The following ADNP variants were observed in gnomAD, a reference collection of about 807,000 sequenced individuals.
ADNP encodes the protein activity-dependent neuroprotector homeobox protein.
A neutral mutation model predicts 84.9 loss-of-function variants in ADNP; 4 were observed. That is an observed-to-expected ratio of 0.05 (90% CI 0.02 to 0.11). The LOEUF is 0.11. Ranked by LOEUF, ADNP falls within the 10% of genes least tolerant of loss-of-function variation. ADNP has a pLI of 1.00. For synonymous variants in ADNP, 554 were observed against 468.1 expected, an observed-to-expected ratio of 1.18 and a Z score of -2.37; for missense variants, 1,132 against 1,326.0, an observed-to-expected ratio of 0.85 and a Z score of 2.27.
intron 2 of ADNP, among the ~76,000 whole-genome samples, chr20:50,919,703 C>T (rs1277612643): frequency 6.6e-6 from 1 of 152,186 alleles, no homozygotes; most frequent in Non-Finnish European, 1.5e-5. Flanking sequence ...GGGCCATTAA[C>T]TTAGGTGAAG....
Position 50,890,064 on chromosome 20 carries a change from T to C in ADNP, c.*1341A>G. The C allele has an allele frequency of 3.9e-6, 1 of 259,000 alleles. No individual in the cohort carries two copies. Among genetic ancestry groups the C allele is most frequent in the Non-Finnish European group, 7.0e-6 (1 of 142,612 alleles). 16.0% of individuals were successfully genotyped at this position (259,000 alleles called of 1,614,324 possible). A position where few individuals can be genotyped will look rare whatever the true frequency, so the allele number is the denominator to read the frequency against. Reference sequence around the variant, plus strand: ...TTTTTTTATCATTGAGACATTTACATATATATGCAGGCTCTGCTCCTTAAC... The same window carrying C: ...TTTTTTTATCATTGAGACATTTACACATATATGCAGGCTCTGCTCCTTAAC... On this transcript the variant is annotated 3_prime_UTR_variant, in exon 6 of 6. Coordinates refer to ENST00000621696, the MANE Select transcript of ADNP (RefSeq NM_001282531.3).
rs1199915624 is a variant in ADNP at position 50,892,287 on chromosome 20, C to T, written c.2427G>A (p.Lys809=). The change falls in exon 6 of 6, where the codon AAG becomes AAA. Residue 809 remains lysine (K), a synonymous_variant. Coordinates refer to ENST00000621696, the MANE Select transcript of ADNP (RefSeq NM_001282531.3). ...ACTTTTCACAATCACGGACACACTT[C>T]TTCCTTTTGTTACTAAAATGGGAAG... ...DIASHFSNKR[K]KCVRDCEKYK... is the part of the protein sequence containing the mutation. The T allele has an allele frequency of 5.0e-6, 8 of 1,614,116 alleles. No homozygotes were observed. Among genetic ancestry groups the T allele is most frequent in the East Asian group, 2.2e-5 (1 of 44,890 alleles).
At chr20:50,926,376 A>T (rs1984292429) in intron 2 of ADNP, among the ~76,000 whole-genome samples, 1 of 152,212 alleles carries the variant, frequency 6.6e-6, no homozygotes, top group Admixed American at 6.5e-5. Context: ...TATTTACACA[A>T]CAGTCATGGG....
chr20:50,893,785 G>A lies in ADNP; in HGVS notation c.929C>T (p.Pro310Leu). 6.2e-7 allele frequency: 1 copy of A among 1,614,154 alleles called. No individual in the cohort carries two copies. The highest frequency in any genetic ancestry group is 8.5e-7 in the Non-Finnish European group (1 of 1,180,026). ...SQQMVNRLSI[P>L]KPNLNSTGVN... ...TCCTGTAGAATTTAAGTTAGGCTTTGGTATTGAGAGTCGATTCACCATCTG... is the reference window on the plus strand; with the variant it reads ...TCCTGTAGAATTTAAGTTAGGCTTTAGTATTGAGAGTCGATTCACCATCTG... Residue 310 changes from proline to leucine, a missense_variant, in exon 6 of 6, where the codon CCA becomes CTA. Pro to Leu is a moderately conservative substitution (Grantham distance 98, BLOSUM62 -3). Transcript: ENST00000621696. The surrounding 1 kb of genome is among the most constrained non-coding windows in gnomAD (Gnocchi z 4.4).
chr20:50,899,463 G>A (rs967153060), intron 5 of ADNP, among the ~76,000 whole-genome samples: 1 of 152,006 alleles, frequency 6.6e-6, no homozygotes, highest in Admixed American at 6.6e-5. Context: ...CACCTGCCTC[G>A]GCCTCCCAAA....
At position 50,893,862 on chromosome 20, in the gene ADNP, T is replaced by C; in HGVS notation, c.852A>G (p.Pro284=). The C allele has an allele frequency of 6.2e-7, 1 of 1,614,178 alleles. No individual in the cohort carries two copies. Among genetic ancestry groups the C allele is most frequent in the African/African-American group, 1.3e-5 (1 of 75,042 alleles). The change falls in exon 6 of 6, where the codon CCA becomes CCG. Residue 284 remains proline (P), a synonymous_variant. Transcript: ENST00000621696. The surrounding 1 kb of genome is among the most constrained non-coding windows in gnomAD (Gnocchi z 4.4). Reference sequence around the variant, plus strand: ...CAGAAGCAAGGGAACCGATCCTTGGTGGGAGTCCCATGCTCTTCTTGTCTT... The same window carrying C: ...CAGAAGCAAGGGAACCGATCCTTGGCGGGAGTCCCATGCTCTTCTTGTCTT... The part of the protein sequence containing the change: ...KPQDKKSMGL[P]PRIGSLASGN...
chr20:50,904,365 G>A (rs780465544), intron 3 of ADNP: 5 of 175,410 alleles, frequency 2.9e-5, no homozygotes, highest in East Asian at 1.6e-4. Context: ...CCAGGAGTGC[G>A]CCACTATGCC....
rs762845441 is a variant in ADNP at position 50,892,546 on chromosome 20, T to C, written c.2168A>G (p.Glu723Gly). Residue 723 changes from glutamate (E) to glycine (G), a missense_variant, in exon 6 of 6, where the codon GAA (glutamate) becomes GGA (glycine). By Grantham distance (98) the Glu-to-Gly change is moderately conservative. Transcript: ENST00000621696. ...CTTTCGTTTTTTCAGTAAGGGAAATTCCATTTGCTCGTAAGTGCGCTTCAC... is the reference window on the plus strand; with the variant it reads ...CTTTCGTTTTTTCAGTAAGGGAAATCCCATTTGCTCGTAAGTGCGCTTCAC... ...APVKRTYEQMEFPLLKKRKLD... is the reference protein window; with the variant it reads ...APVKRTYEQMGFPLLKKRKLD... The C allele has an allele frequency of 6.2e-6, 10 of 1,614,206 alleles. No individual in the cohort carries two copies. Among genetic ancestry groups the C allele is most frequent in the African/African-American group, 1.3e-5 (1 of 75,054 alleles).
chr20:50,916,342 G>A (rs1983509464), intron 2 of ADNP, among the ~76,000 whole-genome samples: 1 of 152,180 alleles, frequency 6.6e-6, no homozygotes, highest in Non-Finnish European at 1.5e-5. Flanking sequence ...TTCCACACTG[G>A]ACAGCTTCTG....
chr20:50,904,162 T>C (rs1982254046), intron 3 of ADNP, 161 bp from the exon 4 acceptor site: 5 of 605,870 alleles, frequency 8.3e-6, no homozygotes, highest in Non-Finnish European at 1.5e-5. Flanking sequence ...CCTGCTTTCA[T>C]GTGCATATGG....
chr20:50,903,195 T>C (rs1982152501), intron 4 of ADNP, among the ~76,000 whole-genome samples: 1 of 152,116 alleles, frequency 6.6e-6, no homozygotes, highest in African/African-American at 2.4e-5. Flanking sequence ...AACATTTCTT[T>C]TCAATCAGGG....
intron 4 of ADNP, 150 bp from the exon 5 acceptor site, chr20:50,902,259 A>C: frequency 1.7e-6 from 1 of 591,102 alleles, no homozygotes; most frequent in South Asian, 2.1e-5. Flanking sequence ...TAAGGCTCTT[A>C]AATATAAAAA....
In ADNP at chr20:50,891,205, G is replaced by A; in HGVS notation, c.*200C>T. The A allele has an allele frequency of 1.5e-6, 2 of 1,322,678 alleles. No individual in the cohort carries two copies. The highest frequency in any genetic ancestry group is 1.9e-6 in the Non-Finnish European group (2 of 1,041,674). The allele number at this position is 1,322,678 out of a possible 1,614,324, so 81.9% of individuals were successfully genotyped here. A position where few individuals can be genotyped will look rare whatever the true frequency, so the allele number is the denominator to read the frequency against. On this transcript the variant is annotated 3_prime_UTR_variant, in exon 6 of 6. Transcript: ENST00000621696. ...TTGGTTTTTCACATTTAGTTACCGTGTCTGTCAGAGAAGGTTCTGAAGCAA... is the reference window on the plus strand; with the variant it reads ...TTGGTTTTTCACATTTAGTTACCGTATCTGTCAGAGAAGGTTCTGAAGCAA...
chr20:50,903,943 A>C lies in ADNP; in HGVS notation c.54T>G (p.Thr18=). 1 of 1,613,962 alleles carries C rather than the reference A, an allele frequency of 6.2e-7. No individual in the cohort carries two copies. Among genetic ancestry groups the C allele is most frequent in the Non-Finnish European group, 8.5e-7 (1 of 1,179,950 alleles). The part of the protein sequence containing the change: ...NLGSLRKARK[T]VKKILSDIGL... ...CAATGTCACTAAGTATTTTTTTCAC[A>C]GTTTTCCGGGCTTTTCTTAAACTGC... is the stretch of plus-strand genomic sequence containing the variant. The change falls in exon 4 of 6, where the codon ACT becomes ACG. Residue 18 remains threonine (T), a synonymous_variant. Coordinates refer to ENST00000621696, the MANE Select transcript of ADNP (RefSeq NM_001282531.3).
At chr20:50,920,335 C>CTTTGGGAGGCCAA (rs1242194237) in intron 2 of ADNP, among the ~76,000 whole-genome samples, 5 of 149,312 alleles carry the variant, frequency 3.3e-5, no homozygotes, top group Non-Finnish European at 7.4e-5. Flanking sequence ...AATCCCAGCA[C>CTTTGGGAGGCCAA]TTTGGGAGGC....
chr20:50,922,382 A>C lies in ADNP; in HGVS notation c.-90+6269T>G, dbSNP rs1984010437. On this transcript the variant is annotated intron_variant, in intron 2 of 5. Transcript: ENST00000621696. ...CTGACACTTCAAGCTGGGGTTCCCAAGACCCCCTCCTTGAGTTCTATTAAT... is the reference window on the plus strand; with the variant it reads ...CTGACACTTCAAGCTGGGGTTCCCACGACCCCCTCCTTGAGTTCTATTAAT... 3.9e-5 allele frequency among the ~76,000 whole-genome samples: 6 copies of C among 152,152 alleles called. No individual in the cohort carries two copies. In the South Asian group the frequency reaches 1.2e-3, roughly 31 times the overall value.
intron 2 of ADNP, among the ~76,000 whole-genome samples, chr20:50,921,010 G>A (rs1983924935): frequency 7.0e-6 from 1 of 142,772 alleles, no homozygotes; most frequent in African/African-American, 3.0e-5. Flanking sequence ...TCCTACACAT[G>A]TTATTTAACC....
chr20:50,918,203 G>A (rs1289798045), intron 2 of ADNP, among the ~76,000 whole-genome samples: 4 of 152,088 alleles, frequency 2.6e-5, no homozygotes, highest in Non-Finnish European at 5.9e-5. Context: ...ATTTAAGGCA[G>A]CAGTATTGAT....
chr20:50,895,611 A>T (rs113351992), intron 5 of ADNP, among the ~76,000 whole-genome samples: 4,677 of 152,284 alleles, frequency 0.031, 253 homozygotes, highest in African/African-American at 0.11. Context: ...GCAGTGGCAC[A>T]ATCGGCTCAC....
Sources: gnomAD v4.1 joint callset for allele counts (sites outside exome capture counted in the v4.1 genomes callset) on GRCh38, gnomAD v4.1.1 for gene constraint, Gnocchi (gnomAD v3.1) non-coding constraint, MANE v1.5 for transcripts, NCBI Gene and HGNC (gene_info 2026-07-23, HGNC 2026-07-21) for gene names.